MCC: variants seen among roughly 807,000 people sequenced by gnomAD.
MCC encodes MCC regulator of Wnt signaling pathway.
A neutral mutation model predicts 116.2 loss-of-function variants in MCC; 90 were observed. That is an observed-to-expected ratio of 0.77 (90% CI 0.65 to 0.92). The LOEUF (loss-of-function observed/expected upper bound fraction) is 0.92. Among genes scored for constraint, MCC ranks in the 40% least tolerant of loss-of-function variants. The probability of loss-of-function intolerance (pLI) is 0.00; values close to 1 mark genes in which losing one functional copy is unlikely to be tolerated. For missense variants in MCC, 1,516 were observed against 1,312.2 expected, an observed-to-expected ratio of 1.16 and a Z score of -2.40; for synonymous variants, 578 against 510.5, an observed-to-expected ratio of 1.13 and a Z score of -1.78.
chr5:113,419,348 A>C (rs552981149), intron 1 of MCC, among the ~76,000 whole-genome samples: 33 of 148,504 alleles, frequency 2.2e-4, no homozygotes, highest in East Asian at 1.8e-3. Flanking sequence ...TTTTTTACTT[A>C]TTCTTCTTCT....
intron 3 of MCC, among the ~76,000 whole-genome samples, chr5:113,237,171 C>T (rs1764165913): frequency 1.3e-5 from 2 of 152,130 alleles, no homozygotes; most frequent in South Asian, 4.1e-4. Flanking sequence ...TATCTTGCTT[C>T]TCAGGAGTAA....
At chr5:113,472,589 T>G (rs1388594890) in intron 1 of MCC, among the ~76,000 whole-genome samples, 4 of 152,268 alleles carry the variant, frequency 2.6e-5, no homozygotes, top group Non-Finnish European at 1.5e-5. Context: ...TGTTCTGCTC[T>G]GACAGTTATC....
intron 3 of MCC, among the ~76,000 whole-genome samples, chr5:113,179,943 A>G (rs1761526865): frequency 6.6e-6 from 1 of 152,186 alleles, no homozygotes; most frequent in African/African-American, 2.4e-5. Context: ...ATACCTAAAC[A>G]TATACATACC....
chr5:113,250,555 A>G (rs555776122), intron 3 of MCC, among the ~76,000 whole-genome samples: 1 of 152,326 alleles, frequency 6.6e-6, no homozygotes, highest in East Asian at 1.9e-4. Context: ...TTGTTTTTAA[A>G]AAGTTACTCA....
At chr5:113,365,401 G>A (rs1295642490) in intron 2 of MCC, among the ~76,000 whole-genome samples, 1 of 152,140 alleles carries the variant, frequency 6.6e-6, no homozygotes, top group Non-Finnish European at 1.5e-5. Flanking sequence ...CTTTATTTCT[G>A]TCTGAGACCT....
At chr5:113,239,173 G>A (rs1255310379) in intron 3 of MCC, among the ~76,000 whole-genome samples, 2 of 152,116 alleles carry the variant, frequency 1.3e-5, no homozygotes, top group African/African-American at 4.8e-5. Context: ...AGAGAAGTTT[G>A]GACACCATTA....
intron 3 of MCC, among the ~76,000 whole-genome samples, chr5:113,252,988 T>C (rs553224973): frequency 7.2e-5 from 11 of 152,374 alleles, no homozygotes; most frequent in African/African-American, 2.4e-4. Flanking sequence ...TGCCCTTCTG[T>C]ACTTCTTGAA....
At chr5:113,481,333 T>C (rs1772372711) in intron 1 of MCC, among the ~76,000 whole-genome samples, 1 of 152,172 alleles carries the variant, frequency 6.6e-6, no homozygotes, top group Non-Finnish European at 1.5e-5. Context: ...GTCTTAGTCT[T>C]TGGCAACTTA....
At chr5:113,292,298 G>A (rs752900638) in intron 3 of MCC, among the ~76,000 whole-genome samples, 1 of 152,038 alleles carries the variant, frequency 6.6e-6, no homozygotes, top group Non-Finnish European at 1.5e-5. Flanking sequence ...CATTCAACCT[G>A]CAGGATAACT....
chr5:113,239,981 T>C (rs906817980), intron 3 of MCC, among the ~76,000 whole-genome samples: 2 of 152,214 alleles, frequency 1.3e-5, no homozygotes, highest in Non-Finnish European at 2.9e-5. Flanking sequence ...ATTCATTATA[T>C]GATTTGTATC....
At chr5:113,046,069 A>T (rs1020996700) in intron 16 of MCC, among the ~76,000 whole-genome samples, 1 of 152,124 alleles carries the variant, frequency 6.6e-6, no homozygotes, top group African/African-American at 2.4e-5. Flanking sequence ...CAGTAAATGG[A>T]TCTAGTATTT....
Position 113,076,189 on chromosome 5 carries a change from G to T in MCC, c.1785-4955C>A, listed in dbSNP as rs111820830. On this transcript the variant is annotated intron_variant, in intron 11 of 18. Coordinates refer to ENST00000408903, the MANE Select transcript of MCC (RefSeq NM_001085377.2). Reference sequence around the variant, plus strand: ...AGACCAAATCTACATCTGATTGGTGGACCTGAAAGTGATGGGGAGAATGGA... The same window carrying T: ...AGACCAAATCTACATCTGATTGGTGTACCTGAAAGTGATGGGGAGAATGGA... Among the ~76,000 whole-genome samples, 232 of 152,272 alleles carry T rather than the reference G, an allele frequency of 1.5e-3. 3 individuals are homozygous for T. Among genetic ancestry groups the T allele is most frequent in the African/African-American group, 5.3e-3 (222 of 41,556 alleles).
chr5:113,122,727 GAC>G lies in MCC; in HGVS notation c.982_983del (p.Val328LeufsTer13). The G allele has an allele frequency of 6.2e-7, 1 of 1,614,190 alleles. No individual in the cohort carries two copies. The highest frequency in any genetic ancestry group is 8.5e-7 in the Non-Finnish European group (1 of 1,180,016). ...SRSMDQDQTS[V>X]SIPENQSTMV... is the part of the protein sequence containing the mutation. ...TGGTAGACTGGTTTTCGGGGATAGA[GAC>G]AGAGGTCTGGTCTTGGTCCATGCTT... On this transcript the variant is annotated frameshift_variant, in exon 6 of 19. Transcript: ENST00000408903. LOFTEE classifies it high-confidence loss of function.
intron 1 of MCC, among the ~76,000 whole-genome samples, chr5:113,470,275 C>T (rs557147932): frequency 6.6e-6 from 1 of 152,134 alleles, no homozygotes; most frequent in Non-Finnish European, 1.5e-5. Flanking sequence ...TCTTCCTAGC[C>T]TTGATCGTCT....
At chr5:113,068,276 C>T (rs1470724847) in intron 12 of MCC, 93 bp from the exon 13 acceptor site, 2 of 879,354 alleles carry the variant, frequency 2.3e-6, no homozygotes, top group Admixed American at 2.0e-5. Flanking sequence ...AGCTCAGGTG[C>T]TGTCTCGGCC....
rs1218749429 is a variant in MCC at position 113,327,577 on chromosome 5, TATATATATAA to T, written c.627+12932_627+12941del. On this transcript the variant is annotated intron_variant, in intron 3 of 18. Transcript: ENST00000408903. ...AAAAAAAAAAATATATATATATATATATATATATAAAAATCTCATCCTCTATGTACTCTTT... is the reference window on the plus strand; with the variant it reads ...AAAAAAAAAAATATATATATATATATAAATCTCATCCTCTATGTACTCTTT... 1.9e-4 allele frequency among the ~76,000 whole-genome samples: 25 copies of T among 133,758 alleles called. 2 individuals carry two copies. The highest frequency in any genetic ancestry group is 4.3e-4 in the African/African-American group (15 of 35,230). The allele number at this position is 133,758 out of a possible 152,430, so 87.8% of individuals were successfully genotyped here.
At chr5:113,279,230 A>G (rs190487583) in intron 3 of MCC, among the ~76,000 whole-genome samples, 66 of 152,288 alleles carry the variant, frequency 4.3e-4, no homozygotes, top group African/African-American at 1.3e-3. Flanking sequence ...GGTGTGCTCC[A>G]GTTTCCCACC....
At chr5:113,427,158 C>T (rs1770507166) in intron 1 of MCC, among the ~76,000 whole-genome samples, 1 of 152,070 alleles carries the variant, frequency 6.6e-6, no homozygotes, top group Non-Finnish European at 1.5e-5. Flanking sequence ...AAAGTTTGCT[C>T]AAAATAATTT....
rs553065279 is a variant in MCC, at chr5:113,092,147, C to A, written c.1399-6837G>T. Among the ~76,000 whole-genome samples, 8 of 152,184 alleles carry A rather than the reference C, an allele frequency of 5.3e-5. 1 individual carries two copies. The South Asian group carries it at 1.7e-3, about 32-fold the overall frequency. On this transcript the variant is annotated intron_variant, in intron 8 of 18. Coordinates refer to ENST00000408903, the MANE Select transcript of MCC (RefSeq NM_001085377.2). ...CCCCAAAGGCATCCACGCCCTAAAC[C>A]CCGAGAAATGTAAATGTAGCCTTGT... is the stretch of plus-strand genomic sequence containing the variant.
Sources: gnomAD v4.1 joint callset for allele counts (sites outside exome capture counted in the v4.1 genomes callset) on GRCh38, gnomAD v4.1.1 for gene constraint, MANE v1.5 for transcripts, NCBI Gene and HGNC (gene_info 2026-07-23, HGNC 2026-07-21) for gene names.